Variants in WHRN observed in about 807,000 individuals in gnomAD.
WHRN encodes the protein whirlin, also known as CASK-interacting protein CIP98.
A neutral mutation model predicts 68.3 loss-of-function variants in WHRN; 41 were observed. That is an observed-to-expected ratio of 0.60 (90% CI 0.47 to 0.78). WHRN has a LOEUF of 0.78. Ranked by LOEUF, WHRN falls within the 30% of genes least tolerant of loss-of-function variation. The pLI is 0.00. For synonymous variants in WHRN, 560 were observed against 561.3 expected, an observed-to-expected ratio of 1.00 and a Z score of 0.03; for missense variants, 1,243 against 1,244.7, an observed-to-expected ratio of 1.00 and a Z score of 0.02.
chr9:114,455,780 C>T (rs1839737390), intron 3 of WHRN, among the ~76,000 whole-genome samples: 1 of 151,856 alleles, frequency 6.6e-6, no homozygotes, highest in Middle Eastern at 3.2e-3. Context: ...AAAAGATGCT[C>T]CTCAACTTAT....
chr9:114,426,808 T>C (rs980613277), intron 3 of WHRN, among the ~76,000 whole-genome samples: 10 of 152,258 alleles, frequency 6.6e-5, no homozygotes, highest in South Asian at 4.1e-4. Flanking sequence ...ACTTGTACTT[T>C]GTTGAGGTTT....
chr9:114,478,524 G>A (rs1183599522), intron 2 of WHRN, 29 bp downstream of exon 2: 2 of 1,612,184 alleles, frequency 1.2e-6, no homozygotes, highest in South Asian at 1.1e-5. Flanking sequence ...GTGTCTGAGA[G>A]GCTGGCCTCC....
chr9:114,472,414 T>C (rs921442981), intron 2 of WHRN, among the ~76,000 whole-genome samples: 3 of 152,246 alleles, frequency 2.0e-5, no homozygotes, highest in Non-Finnish European at 4.4e-5. Flanking sequence ...TGGAGCACTC[T>C]GCCCAGATAG....
Position 114,404,080 on chromosome 9 carries a change from G to T in WHRN, c.2237-3C>A. 1 of 1,612,548 alleles carries T rather than the reference G, an allele frequency of 6.2e-7. No individual in the cohort carries two copies. ...GAGCTGGGAGAGCGTAGAGGCTGCT[G>T]GAGAGGGGAAAAGGAAGAGAGAAGC... On this transcript the variant is annotated splice_polypyrimidine_tract_variant and splice_region_variant and intron_variant, in intron 9 of 11. Transcript: ENST00000362057.
chr9:114,426,327 C>A lies in WHRN; in HGVS notation c.1050G>T (p.Arg350=). 6.2e-7 allele frequency: 1 copy of A among 1,613,962 alleles called. No homozygotes were observed. Among genetic ancestry groups the A allele is most frequent in the Non-Finnish European group, 8.5e-7 (1 of 1,180,042 alleles). Residue 350 remains arginine, a synonymous_variant, in exon 4 of 12, where the codon CGG becomes CGT. Transcript: ENST00000362057. ...DEAVRLLKSS[R]HLILTVKDVG... is the part of the protein sequence containing the mutation. Reference sequence around the variant, plus strand: ...CGTCCTTCACTGTCAGGATGAGGTGCCGAGATGACTTAAGCAGCCTGACAG... The same window carrying A: ...CGTCCTTCACTGTCAGGATGAGGTGACGAGATGACTTAAGCAGCCTGACAG...
In WHRN at chr9:114,504,453, G is replaced by A. The variant is rs1465444730; in HGVS notation, c.349C>T (p.Pro117Ser). The A allele has an allele frequency of 6.2e-7, 1 of 1,607,542 alleles. No homozygotes were observed. The highest frequency in any genetic ancestry group is 8.5e-7 in the Non-Finnish European group (1 of 1,179,706). The change falls in exon 1 of 12, where the codon CCC (proline) becomes TCC (serine). Residue 117 changes from proline (P) to serine (S), a missense_variant. Coordinates refer to ENST00000362057, the MANE Select transcript of WHRN (RefSeq NM_015404.4). ...DQYTAEGLYL[P>S]ATTPYRQPAW... Reference sequence around the variant, plus strand: ...GGCTGCCTGTAGGGGGTGGTGGCGGGCAGGTAGAGGCCCTCGGCCGTGTAT... The same window carrying A: ...GGCTGCCTGTAGGGGGTGGTGGCGGACAGGTAGAGGCCCTCGGCCGTGTAT...
chr9:114,427,887 G>A (rs1837022843), intron 3 of WHRN, among the ~76,000 whole-genome samples: 2 of 151,922 alleles, frequency 1.3e-5, no homozygotes, highest in Admixed American at 1.3e-4. Context: ...ACTGTGTGCT[G>A]GGATGTTGTG....
At chr9:114,493,713 GA>G (rs1299500070) in intron 1 of WHRN, among the ~76,000 whole-genome samples, 1 of 151,946 alleles carries the variant, frequency 6.6e-6, no homozygotes, top group Non-Finnish European at 1.5e-5. Context: ...TAAGAGAGAG[GA>G]AAAAGGAAAA....
At chr9:114,424,695 G>C in intron 5 of WHRN, 149 bp from the exon 6 acceptor site, 1 of 950,708 alleles carries the variant, frequency 1.1e-6, no homozygotes, top group African/African-American at 1.6e-5. Context: ...TGCCTTGATA[G>C]TACTATCTTT....
intron 1 of WHRN, among the ~76,000 whole-genome samples, chr9:114,494,066 G>A (rs1263861758): frequency 6.6e-6 from 1 of 152,174 alleles, no homozygotes; most frequent in East Asian, 1.9e-4. Flanking sequence ...CCCGTGATGG[G>A]TCACCTCCTC....
chr9:114,423,502 T>A lies in WHRN; in HGVS notation c.1438A>T (p.Arg480Ter). The A allele has an allele frequency of 6.2e-7, 1 of 1,611,564 alleles. No individual in the cohort carries two copies. The highest frequency in any genetic ancestry group is 8.5e-7 in the Non-Finnish European group (1 of 1,178,056). Residue 480 changes from arginine to a stop codon, truncating the protein, a stop_gained, in exon 7 of 12, where the codon AGA becomes TGA. Coordinates refer to ENST00000362057, the MANE Select transcript of WHRN (RefSeq NM_015404.4). LOFTEE classifies it high-confidence loss of function. ...AGGTCTTGCGGGGAAATGGTGCCTC[T>A]CACCTCAGAGAGGAGTGAGAACTGG... ...HAKFSLLSEV[R>*]GTISPQDLER...
At chr9:114,413,880 C>A (rs1835631146) in intron 7 of WHRN, among the ~76,000 whole-genome samples, 1 of 152,186 alleles carries the variant, frequency 6.6e-6, no homozygotes, top group Non-Finnish European at 1.5e-5. Context: ...GCTGAACAGA[C>A]CAGGCTTCCT....
Position 114,403,306 on chromosome 9 carries a change from G to A in WHRN, c.2452C>T (p.Arg818Cys), listed in dbSNP as rs1371345704. The A allele has an allele frequency of 9.3e-6, 15 of 1,614,068 alleles. No homozygotes were observed. Among genetic ancestry groups the A allele is most frequent in the East Asian group, 2.2e-5 (1 of 44,858 alleles). ...AGGGTGGCCGCACTTTTCTTCACACGGACCAGAGTGGACGTGGGCTCCAGA... is the reference window on the plus strand; with the variant it reads ...AGGGTGGCCGCACTTTTCTTCACACAGACCAGAGTGGACGTGGGCTCCAGA... The part of the protein sequence containing the change: ...GLLEPTSTLV[R>C]VKKSAATLGI... Residue 818 changes from arginine to cysteine, a missense_variant, in exon 11 of 12, where the codon CGT becomes TGT. Coordinates refer to ENST00000362057, the MANE Select transcript of WHRN (RefSeq NM_015404.4).
chr9:114,488,118 T>G (rs1267034999), intron 1 of WHRN, among the ~76,000 whole-genome samples: 1 of 152,184 alleles, frequency 6.6e-6, no homozygotes, highest in Non-Finnish European at 1.5e-5. Flanking sequence ...CAAACAGTGT[T>G]CAACCCCTTC....
intron 3 of WHRN, among the ~76,000 whole-genome samples, chr9:114,439,952 G>A (rs1424142043): frequency 1.3e-5 from 2 of 152,090 alleles, no homozygotes; most frequent in South Asian, 4.2e-4. Flanking sequence ...TCTCTCTGTC[G>A]CCCAGGCTCC....
At position 114,505,124 on chromosome 9, in the gene WHRN, G is replaced by T. The variant is rs1335991532; in HGVS notation, c.-323C>A. On this transcript the variant is annotated 5_prime_UTR_variant, in exon 1 of 12. Transcript: ENST00000362057. ...TGCTGCTGGAGTCCGGGGGGCGCGG[G>T]GTCAGCAGCTACATTCTGGAGGGCA... 3 of 307,056 alleles carry T rather than the reference G, an allele frequency of 9.8e-6. No individual in the cohort carries two copies. The highest frequency in any genetic ancestry group is 1.1e-4 in the Admixed American group (2 of 18,818). The allele number at this position is 307,056 out of a possible 1,614,324, so 19.0% of individuals were successfully genotyped here. A position where few individuals can be genotyped will look rare whatever the true frequency, so the allele number is the denominator to read the frequency against.
chr9:114,421,093 G>A (rs1351515449), intron 7 of WHRN, among the ~76,000 whole-genome samples: 4 of 152,090 alleles, frequency 2.6e-5, no homozygotes, highest in African/African-American at 9.7e-5. Context: ...CAGAAACTTG[G>A]GGAAAACCTT....
At position 114,426,353 on chromosome 9, in the gene WHRN, C is replaced by G; in HGVS notation, c.1024G>C (p.Ala342Pro). The G allele has an allele frequency of 6.2e-7, 1 of 1,614,132 alleles. No individual in the cohort carries two copies. Residue 342 changes from alanine to proline, a missense_variant, in exon 4 of 12, where the codon GCT becomes CCT. Coordinates refer to ENST00000362057, the MANE Select transcript of WHRN (RefSeq NM_015404.4). ...RSFLNILHDE[A>P]VRLLKSSRHL... ...CGAGATGACTTAAGCAGCCTGACAG[C>G]CTCGTCGTGTAGGATGTTGAGAAAG...
At chr9:114,404,821 G>A (rs1042820756) in intron 9 of WHRN, among the ~76,000 whole-genome samples, 4 of 152,182 alleles carry the variant, frequency 2.6e-5, no homozygotes, top group South Asian at 2.1e-4. Flanking sequence ...TGTATAGAAT[G>A]GAGCAGTCCA....
Sources: gnomAD v4.1 joint callset for allele counts (sites outside exome capture counted in the v4.1 genomes callset) on GRCh38, gnomAD v4.1.1 for gene constraint, MANE v1.5 for transcripts, NCBI Gene and HGNC (gene_info 2026-07-23, HGNC 2026-07-21) for gene names.